DCK: variants seen among roughly 807,000 people sequenced by gnomAD.
The protein encoded by DCK is deoxyadenosine kinase.
Under a neutral mutation model 38.3 loss-of-function variants are expected in DCK, and 23 were observed. That is an observed-to-expected ratio of 0.60 (90% CI 0.43 to 0.85). The LOEUF (loss-of-function observed/expected upper bound fraction) is 0.85, where lower values mean the gene tolerates loss of function less well. Ranked by LOEUF, DCK falls within the 40% of genes least tolerant of loss-of-function variation. The probability of loss-of-function intolerance (pLI) is 0.00; values close to 1 mark genes in which losing one functional copy is unlikely to be tolerated. For missense variants in DCK, 259 were observed against 304.4 expected (o/e 0.85, Z 1.11); for synonymous variants, 108 against 100.6 (o/e 1.07, Z -0.44).
At chr4:71,007,969 T>A (rs1007389764) in intron 2 of DCK, among the ~76,000 whole-genome samples, 1 of 152,188 alleles carries the variant, frequency 6.6e-6, no homozygotes, top group Non-Finnish European at 1.5e-5. Context: ...TCAAGCGATC[T>A]GCCCATCTCA....
chr4:71,000,612 A>T (rs1029229114), intron 2 of DCK, among the ~76,000 whole-genome samples: 1 of 152,218 alleles, frequency 6.6e-6, no homozygotes, highest in Non-Finnish European at 1.5e-5. Context: ...TACTTTGGGC[A>T]GTATGGCCAT....
At chr4:71,006,745 C>T (rs1193220260) in intron 2 of DCK, among the ~76,000 whole-genome samples, 1 of 152,054 alleles carries the variant, frequency 6.6e-6, no homozygotes, top group Non-Finnish European at 1.5e-5. Context: ...GAAATTGAGA[C>T]TGTAGTGAGC....
chr4:71,025,722 G>A, intron 4 of DCK, 94 bp from the exon 5 acceptor site: 5 of 1,427,810 alleles, frequency 3.5e-6, no homozygotes, highest in Non-Finnish European at 4.6e-6. Flanking sequence ...TGGCTAGCGT[G>A]AGTAGAGAGA....
chr4:71,028,110 A>G (rs16845668), intron 6 of DCK, among the ~76,000 whole-genome samples: 5,748 of 152,302 alleles, frequency 0.038, 376 homozygotes, highest in African/African-American at 0.13. Context: ...ACACACTGAC[A>G]TTGCAAAGTA....
intron 2 of DCK, among the ~76,000 whole-genome samples, chr4:71,018,487 GT>G (rs113828217): frequency 4.6e-5 from 7 of 151,736 alleles, no homozygotes; most frequent in Non-Finnish European, 7.3e-5. Context: ...AAAGGTACAG[GT>G]TTTTTTTTTC....
chr4:71,013,607 A>G (rs552068794), intron 2 of DCK, among the ~76,000 whole-genome samples: 23 of 152,326 alleles, frequency 1.5e-4, no homozygotes, highest in African/African-American at 5.3e-4. Context: ...CCAATATTCA[A>G]CATTCTTAAA....
At chr4:71,006,175 C>T (rs1285856235) in intron 2 of DCK, 2 of 140,510 alleles carry the variant, frequency 1.4e-5, no homozygotes, top group African/African-American at 5.4e-5. Context: ...AGAAAAACTA[C>T]TATTCAGTAA....
chr4:71,007,965 G>A (rs768150325), intron 2 of DCK, among the ~76,000 whole-genome samples: 27 of 152,260 alleles, frequency 1.8e-4, no homozygotes, highest in Middle Eastern at 3.4e-3. Context: ...GGGCTCAAGC[G>A]ATCTGCCCAT....
intron 2 of DCK, among the ~76,000 whole-genome samples, chr4:71,017,595 A>G (rs1740303291): frequency 6.6e-6 from 1 of 152,128 alleles, no homozygotes; most frequent in African/African-American, 2.4e-5. Context: ...AATACTATGC[A>G]GCCATAAAAA....
Position 71,026,674 on chromosome 4 carries a change from C to T in DCK, c.675C>T (p.Phe225=), listed in dbSNP as rs564522050. Reference sequence around the variant, plus strand: ...CTCTCTTTTTAAACAGAACCAACTTCGATTATCTTCAAGAGGTGCCTATCT... The same window carrying T: ...CTCTCTTTTTAAACAGAACCAACTTTGATTATCTTCAAGAGGTGCCTATCT... ...WLLHRTLKTN[F]DYLQEVPILT... is the part of the protein sequence containing the mutation. Residue 225 remains phenylalanine (F), a synonymous_variant, in exon 6 of 7, where the codon TTC becomes TTT. Coordinates refer to ENST00000286648, the MANE Select transcript of DCK (RefSeq NM_000788.3). The T allele has an allele frequency of 7.3e-6, 11 of 1,516,226 alleles. No individual in the cohort carries two copies. The South Asian group carries it at 8.3e-5, about 11-fold the overall frequency. 93.9% of individuals were successfully genotyped at this position (1,516,226 alleles called of 1,614,324 possible). A position where few individuals can be genotyped will look rare whatever the true frequency, so the allele number is the denominator to read the frequency against.
At chr4:71,018,126 C>CTTTTT (rs35755135) in intron 2 of DCK, among the ~76,000 whole-genome samples, 11 of 126,830 alleles carry the variant, frequency 8.7e-5, no homozygotes, top group Non-Finnish European at 1.1e-4. Flanking sequence ...TAGATTATTT[C>CTTTTT]TTTTTTTTTT....
chr4:71,005,673 A>G (rs886637430), intron 2 of DCK, among the ~76,000 whole-genome samples: 1 of 150,808 alleles, frequency 6.6e-6, no homozygotes, highest in African/African-American at 2.4e-5. Context: ...TGCCTGGCTA[A>G]TTTTTTTTAC....
chr4:70,993,823 A>G lies in DCK; in HGVS notation c.-13A>G, dbSNP rs376018179. 3.7e-6 allele frequency: 6 copies of G among 1,607,116 alleles called. No individual in the cohort carries two copies. Among genetic ancestry groups the G allele is most frequent in the Non-Finnish European group, 5.1e-6 (6 of 1,174,336 alleles). ...TTTGCCGGACGAGCTCTGGGCCGCC[A>G]CAAGACTAAGGAATGGCCACCCCGC... On this transcript the variant is annotated 5_prime_UTR_variant, in exon 1 of 7. Coordinates refer to ENST00000286648, the MANE Select transcript of DCK (RefSeq NM_000788.3).
intron 3 of DCK, 44 bp downstream of exon 3, chr4:71,022,604 T>G: frequency 8.3e-7 from 1 of 1,205,134 alleles, no homozygotes; most frequent in African/African-American, 1.6e-5. Flanking sequence ...AGTTTTTATC[T>G]TAGAACTGGA....
At chr4:71,008,863 C>T (rs545816653) in intron 2 of DCK, among the ~76,000 whole-genome samples, 3 of 152,202 alleles carry the variant, frequency 2.0e-5, no homozygotes, top group Admixed American at 2.0e-4. Context: ...TTATTTGGTT[C>T]GTAATTCTCA....
intron 6 of DCK, among the ~76,000 whole-genome samples, chr4:71,028,295 ATATC>A (rs1220152204): frequency 6.6e-6 from 1 of 152,250 alleles, no homozygotes; most frequent in Non-Finnish European, 1.5e-5. Context: ...TTTTAGAACT[ATATC>A]TATCTTAGAT....
intron 2 of DCK, among the ~76,000 whole-genome samples, chr4:71,008,792 A>G (rs553800847): frequency 6.6e-6 from 1 of 152,356 alleles, no homozygotes; most frequent in Admixed American, 6.5e-5. Context: ...AATGCCAAAA[A>G]TTTTAATTTG....
intron 1 of DCK, among the ~76,000 whole-genome samples, chr4:70,997,707 C>CA (rs1218796395): frequency 6.6e-6 from 1 of 152,260 alleles, no homozygotes; most frequent in East Asian, 1.9e-4. Flanking sequence ...CACGCACACA[C>CA]AGGGAAAGAG....
At chr4:71,012,866 T>G (rs1200244910) in intron 2 of DCK, among the ~76,000 whole-genome samples, 2 of 152,134 alleles carry the variant, frequency 1.3e-5, no homozygotes, top group Non-Finnish European at 2.9e-5. Flanking sequence ...GCCTCTCACC[T>G]CCAAAGGAAC....
Sources: gnomAD v4.1 joint callset for allele counts (sites outside exome capture counted in the v4.1 genomes callset) on GRCh38, gnomAD v4.1.1 for gene constraint, MANE v1.5 for transcripts, NCBI Gene and HGNC (gene_info 2026-07-23, HGNC 2026-07-21) for gene names.